TENM4: variants seen among roughly 807,000 people sequenced by gnomAD.
TENM4 encodes the protein teneurin transmembrane protein 4, also known as teneurin-4.
TENM4 carries 82 observed loss-of-function variants against 243.3 expected under a neutral mutation model. The observed-to-expected ratio is 0.34, with a 90% confidence interval of 0.28 to 0.40. The LOEUF (loss-of-function observed/expected upper bound fraction) is 0.40, where lower values mean the gene tolerates loss of function less well. Ranked by LOEUF, TENM4 falls within the 10% of genes least tolerant of loss-of-function variation. The pLI is 1.00. For missense variants in TENM4, 3,138 were observed against 3,673.3 expected (o/e 0.85, Z 3.77); for synonymous variants, 1,412 against 1,456.3 (o/e 0.97, Z 0.69).
At chr11:79,240,019 C>A (rs1363208132) in intron 2 of TENM4, among the ~76,000 whole-genome samples, 1 of 152,164 alleles carries the variant, frequency 6.6e-6, no homozygotes. Flanking sequence ...GCAAGGTACT[C>A]GTCACAGAAA....
chr11:78,926,912 T>C (rs1337942977), intron 6 of TENM4, among the ~76,000 whole-genome samples: 1 of 152,204 alleles, frequency 6.6e-6, no homozygotes, highest in Non-Finnish European at 1.5e-5. Context: ...TTTGCGTGAT[T>C]TTCTAGGTTT....
rs1857870895 is a variant in TENM4 at position 78,655,586 on chromosome 11, C to T, written c.*2472G>A. 1 of 152,148 alleles carries T rather than the reference C, an allele frequency of 6.6e-6. No individual in the cohort carries two copies. Among genetic ancestry groups the T allele is most frequent in the African/African-American group, 2.4e-5 (1 of 41,392 alleles). The allele number at this position is 152,148 out of a possible 1,614,324, so 9.4% of individuals were successfully genotyped here. ...TCTGTTTTTGATCCCTAAAAGTCCA[C>T]CCTATTCCTTTGGGGAGGGGGCTGT... On this transcript the variant is annotated 3_prime_UTR_variant, in exon 34 of 34. Coordinates refer to ENST00000278550, the MANE Select transcript of TENM4 (RefSeq NM_001098816.3).
chr11:79,042,904 A>C (rs1179476026), intron 6 of TENM4, among the ~76,000 whole-genome samples: 1 of 152,034 alleles, frequency 6.6e-6, no homozygotes, highest in Non-Finnish European at 1.5e-5. Flanking sequence ...CTTTCCTAGA[A>C]AGCTTTTTAG....
chr11:79,054,461 G>C (rs771232894), intron 6 of TENM4, among the ~76,000 whole-genome samples: 25 of 151,760 alleles, frequency 1.6e-4, no homozygotes, highest in Non-Finnish European at 3.2e-4. Flanking sequence ...TGAAGGAAGG[G>C]AATTAACATT....
intron 4 of TENM4, among the ~76,000 whole-genome samples, chr11:79,113,624 A>G (rs1057365370): frequency 6.6e-6 from 1 of 151,960 alleles, no homozygotes; most frequent in African/African-American, 2.4e-5. Flanking sequence ...TCCAATGACA[A>G]TGTTAACTCT....
At chr11:79,395,964 T>A (rs747756942) in intron 1 of TENM4, among the ~76,000 whole-genome samples, 1 of 152,182 alleles carries the variant, frequency 6.6e-6, no homozygotes, top group Non-Finnish European at 1.5e-5. Flanking sequence ...GGCAATAATA[T>A]TAGTCTTAGT....
intron 6 of TENM4, among the ~76,000 whole-genome samples, chr11:79,009,389 C>T (rs1021732224): frequency 3.3e-5 from 5 of 152,090 alleles, no homozygotes; most frequent in Non-Finnish European, 5.9e-5. Context: ...TGAGCCTCAC[C>T]CCATGTGCCC....
intron 1 of TENM4, among the ~76,000 whole-genome samples, chr11:79,299,083 C>T (rs79943118): frequency 7.3e-6 from 1 of 137,136 alleles, no homozygotes; most frequent in African/African-American, 2.6e-5. Context: ...CACACACACA[C>T]ACATACACAC....
intron 6 of TENM4, among the ~76,000 whole-genome samples, chr11:78,946,304 T>C (rs1419831754): frequency 2.0e-5 from 3 of 152,246 alleles, no homozygotes; most frequent in African/African-American, 7.2e-5. Flanking sequence ...CTGCCTGTGC[T>C]CTTTAAATGT....
chr11:79,072,476 C>A (rs6592821), intron 4 of TENM4, among the ~76,000 whole-genome samples: 82,512 of 135,662 alleles, frequency 0.61, 22,827 homozygotes, highest in African/African-American at 0.64. Flanking sequence ...AAGAGTGAGA[C>A]CCTGTCTCAA....
At chr11:78,812,391 C>A in intron 13 of TENM4, 75 bp from the exon 14 acceptor site, 1 of 1,492,738 alleles carries the variant, frequency 6.7e-7, no homozygotes, top group African/African-American at 1.4e-5. Flanking sequence ...CTTTCTCCTC[C>A]TGGCCTGCCT....
intron 3 of TENM4, among the ~76,000 whole-genome samples, chr11:79,197,467 C>T (rs1193080217): frequency 6.6e-6 from 1 of 152,076 alleles, no homozygotes; most frequent in Non-Finnish European, 1.5e-5. Context: ...GCCATGTCAG[C>T]ATGGGAGCAT....
chr11:78,969,488 G>A (rs901296828), intron 6 of TENM4, among the ~76,000 whole-genome samples: 1 of 152,150 alleles, frequency 6.6e-6, no homozygotes, highest in Admixed American at 6.5e-5. Context: ...AATATACCAC[G>A]AGACTAAAAT....
chr11:79,233,116 G>T (rs145515181), intron 2 of TENM4, among the ~76,000 whole-genome samples: 1 of 152,152 alleles, frequency 6.6e-6, no homozygotes, highest in Admixed American at 6.5e-5. Context: ...AGAAGCCTCC[G>T]CTGAGGCTGC....
intron 6 of TENM4, among the ~76,000 whole-genome samples, chr11:78,926,423 G>A (rs1565129145): frequency 1.3e-5 from 2 of 151,832 alleles, no homozygotes; most frequent in Admixed American, 6.6e-5. Flanking sequence ...ACAAGTGCAT[G>A]CTACCACGCC....
chr11:79,064,701 A>G (rs757512139), intron 6 of TENM4, 37 bp downstream of exon 6: 1 of 1,549,662 alleles, frequency 6.5e-7, no homozygotes, highest in South Asian at 1.2e-5. Context: ...CAGCCCCACC[A>G]CCCAGGCACC....
At chr11:79,356,250 C>T (rs1476923421) in intron 1 of TENM4, among the ~76,000 whole-genome samples, 1 of 152,166 alleles carries the variant, frequency 6.6e-6, no homozygotes, top group Non-Finnish European at 1.5e-5. Context: ...AAGAGGGGAG[C>T]CCTGGATCAA....
rs2135746136 is a variant in TENM4, at chr11:78,696,225, T to C, written c.5087+5301A>G. Among the ~76,000 whole-genome samples, 3 of 152,288 alleles carry C rather than the reference T, an allele frequency of 2.0e-5. No individual in the cohort carries two copies. In the South Asian group the frequency reaches 6.2e-4, roughly 32 times the overall value. On this transcript the variant is annotated intron_variant, in intron 28 of 33. Coordinates refer to ENST00000278550, the MANE Select transcript of TENM4 (RefSeq NM_001098816.3). ...AACCGTGGTTTTCATTTCTAACAAT[T>C]CCATTTGATTCTTTCTTATCGTTTC...
intron 2 of TENM4, among the ~76,000 whole-genome samples, chr11:79,225,154 G>A (rs1185560489): frequency 6.6e-6 from 1 of 152,128 alleles, no homozygotes. Context: ...CCAGAACTAT[G>A]AGACAATACG....
Sources: allele counts gnomAD v4.1 joint callset (sites outside exome capture counted in the v4.1 genomes callset), GRCh38; gene constraint gnomAD v4.1.1; transcripts MANE v1.5; gene names NCBI Gene and HGNC (gene_info 2026-07-23, HGNC 2026-07-21).